Variants in EDC3 observed in about 807,000 individuals in gnomAD.
EDC3 encodes the protein enhancer of mRNA-decapping protein 3.
In EDC3, 20 loss-of-function variants were observed where a neutral mutation model predicts 41.8. That is an observed-to-expected ratio of 0.48 (90% CI 0.34 to 0.70). The LOEUF is 0.70. Among genes scored for constraint, EDC3 ranks in the 30% least tolerant of loss-of-function variants. The pLI is 0.01. For missense variants in EDC3, 444 were observed against 636.8 expected (o/e 0.70, Z 3.26); for synonymous variants, 206 against 243.2 (o/e 0.85, Z 1.42).
chr15:74,641,933 TA>T (rs1191963348), intron 4 of EDC3: 1 of 152,410 alleles, frequency 6.6e-6, no homozygotes, highest in Non-Finnish European at 1.5e-5. Context: ...AGTTAGGGAA[TA>T]AAAGTTAATA....
At chr15:74,674,796 C>G (rs900071798) in intron 2 of EDC3, 165 bp downstream of exon 2, 4 of 760,462 alleles carry the variant, frequency 5.3e-6, no homozygotes, top group Non-Finnish European at 8.5e-6. Flanking sequence ...GGGCAGATTA[C>G]TTGAGGCCAG....
Position 74,631,774 on chromosome 15 carries a change from C to T in EDC3, c.*838G>A. 6.5e-6 allele frequency: 1 copy of T among 152,846 alleles called. No individual in the cohort carries two copies. The allele number at this position is 152,846 out of a possible 1,614,324, so 9.5% of individuals were successfully genotyped here. A position where few individuals can be genotyped will look rare whatever the true frequency, so the allele number is the denominator to read the frequency against. ...CAGCACCAGGCTCCCCCAGGGATAT[C>T]CCCATCTGAGGGGTCTGGCCCCAGA... On this transcript the variant is annotated 3_prime_UTR_variant, in exon 7 of 7. Coordinates refer to ENST00000315127, the MANE Select transcript of EDC3 (RefSeq NM_025083.5).
intron 4 of EDC3, among the ~76,000 whole-genome samples, chr15:74,652,585 T>C (rs1024050686): frequency 2.7e-5 from 4 of 149,630 alleles, no homozygotes; most frequent in African/African-American, 9.9e-5. Flanking sequence ...GGTAAGGTTT[T>C]TGTGTTTTTT....
At chr15:74,682,341 G>A (rs1410303687) in intron 1 of EDC3, among the ~76,000 whole-genome samples, 1 of 151,880 alleles carries the variant, frequency 6.6e-6, no homozygotes, top group African/African-American at 2.4e-5. Flanking sequence ...ACCCAAGGCT[G>A]GGCACGGTGG....
In EDC3 at chr15:74,671,940, A is replaced by G. The variant is rs562070731; in HGVS notation, c.165-166T>C. Among the ~76,000 whole-genome samples the G allele has an allele frequency of 4.6e-5, 7 of 152,180 alleles. No individual in the cohort carries two copies. In the South Asian group the frequency reaches 1.5e-3, roughly 32 times the overall value. ...TAAGGACAGGGGTCAGCCACCAACT[A>G]TCCAACTGACACAATGCTAGCCTTT... is the stretch of plus-strand genomic sequence containing the variant. On this transcript the variant is annotated intron_variant, in intron 2 of 6. Transcript: ENST00000315127. The surrounding 1 kb of genome is among the most constrained non-coding windows in gnomAD (Gnocchi z 4.6).
chr15:74,671,984 G>A lies in EDC3; in HGVS notation c.165-210C>T, dbSNP rs558191698. On this transcript the variant is annotated intron_variant, in intron 2 of 6. Transcript: ENST00000315127. The surrounding 1 kb of genome is among the most constrained non-coding windows in gnomAD (Gnocchi z 4.6). ...AGCCTTTAAAAAGAGGCTATTGGCC[G>A]GGCACGGTGGCTCACGCCTGTAATC... is the stretch of plus-strand genomic sequence containing the variant. Among the ~76,000 whole-genome samples, 336 of 152,090 alleles carry A rather than the reference G, an allele frequency of 2.2e-3. 1 individual carries two copies. Among genetic ancestry groups the A allele is most frequent in the African/African-American group, 7.5e-3 (311 of 41,510 alleles).
intron 4 of EDC3, among the ~76,000 whole-genome samples, chr15:74,649,370 CA>C (rs2062454967): frequency 6.6e-6 from 1 of 152,264 alleles, no homozygotes; most frequent in Non-Finnish European, 1.5e-5. Context: ...CCTCCTGCCT[CA>C]GCCTCCCAAA....
chr15:74,661,745 A>G lies in EDC3; in HGVS notation c.485-5677T>C, dbSNP rs546470335. On this transcript the variant is annotated intron_variant, in intron 3 of 6. Coordinates refer to ENST00000315127, the MANE Select transcript of EDC3 (RefSeq NM_025083.5). ...GACTCTGTCTCAAAAAAAAAAAAAGAAAAAGAAAAAGAAAAAGAAAAAATG... is the reference window on the plus strand; with the variant it reads ...GACTCTGTCTCAAAAAAAAAAAAAGGAAAAGAAAAAGAAAAAGAAAAAATG... Among the ~76,000 whole-genome samples the G allele has an allele frequency of 4.1e-5, 6 of 146,472 alleles. No individual in the cohort carries two copies. In the South Asian group the frequency reaches 6.4e-4, roughly 16 times the overall value.
intron 3 of EDC3, among the ~76,000 whole-genome samples, chr15:74,663,432 C>T (rs1596318334): frequency 6.6e-6 from 1 of 152,170 alleles, no homozygotes; most frequent in East Asian, 1.9e-4. Flanking sequence ...TTCAAAAGCA[C>T]AAGCTGAGCA....
At chr15:74,645,443 T>C (rs544916108) in intron 4 of EDC3, 2 of 152,126 alleles carry the variant, frequency 1.3e-5, no homozygotes, top group South Asian at 2.1e-4. Context: ...CGTATGTATT[T>C]TACATAAAAC....
chr15:74,660,438 T>C (rs2062608669), intron 3 of EDC3, among the ~76,000 whole-genome samples: 1 of 151,192 alleles, frequency 6.6e-6, no homozygotes, highest in South Asian at 2.1e-4. Context: ...TATATATGTG[T>C]GTGTGTGTGT....
chr15:74,640,352 G>T, intron 5 of EDC3, 114 bp downstream of exon 5: 3 of 1,225,894 alleles, frequency 2.4e-6, no homozygotes, highest in Non-Finnish European at 2.3e-6. Flanking sequence ...ACTCCCATCA[G>T]ATGAGCAGAA....
intron 3 of EDC3, among the ~76,000 whole-genome samples, chr15:74,662,819 T>G (rs1212119872): frequency 1.3e-5 from 2 of 151,824 alleles, no homozygotes; most frequent in African/African-American, 4.8e-5. Context: ...AGAATAAAGC[T>G]CAGAGGAAAC....
chr15:74,650,707 T>G (rs2062470535), intron 4 of EDC3, among the ~76,000 whole-genome samples: 1 of 152,228 alleles, frequency 6.6e-6, no homozygotes, highest in South Asian at 2.1e-4. Context: ...TAGAATACCA[T>G]GAGTGTTAGG....
At chr15:74,646,476 G>A (rs1455892982) in intron 4 of EDC3, among the ~76,000 whole-genome samples, 1 of 152,214 alleles carries the variant, frequency 6.6e-6, no homozygotes, top group Non-Finnish European at 1.5e-5. Context: ...CGAGTGCAAA[G>A]TATCAATTTC....
Position 74,630,597 on chromosome 15 carries a change from GT to G in EDC3, c.*2014del, listed in dbSNP as rs2062189832. On this transcript the variant is annotated 3_prime_UTR_variant, in exon 7 of 7. Coordinates refer to ENST00000315127, the MANE Select transcript of EDC3 (RefSeq NM_025083.5). Reference sequence around the variant, plus strand: ...AGCTTTATTTCAGTGCTGGTTTTTGGTTCCCTAAGAGCTGCATGAGTGCTAG... The same window carrying G: ...AGCTTTATTTCAGTGCTGGTTTTTGGTCCCTAAGAGCTGCATGAGTGCTAG... 6.6e-6 allele frequency: 1 copy of G among 152,320 alleles called. No homozygotes were observed. Among genetic ancestry groups the G allele is most frequent in the South Asian group, 2.1e-4 (1 of 4,836 alleles). The allele number at this position is 152,320 out of a possible 1,614,324, so 9.4% of individuals were successfully genotyped here. A position where few individuals can be genotyped will look rare whatever the true frequency, so the allele number is the denominator to read the frequency against.
chr15:74,656,965 A>G (rs1330784503), intron 3 of EDC3, among the ~76,000 whole-genome samples: 2 of 152,222 alleles, frequency 1.3e-5, no homozygotes, highest in Non-Finnish European at 2.9e-5. Context: ...TTACCTACCC[A>G]CCACTGACTG....
chr15:74,656,231 T>C (rs1377608141), intron 3 of EDC3, among the ~76,000 whole-genome samples, 163 bp from the exon 4 acceptor site: 3 of 152,160 alleles, frequency 2.0e-5, no homozygotes, highest in South Asian at 4.1e-4. Context: ...ACAAATCTCA[T>C]GTGCAATAAT....
chr15:74,667,530 AGTG>A (rs1394011642), intron 3 of EDC3, among the ~76,000 whole-genome samples: 2 of 128,926 alleles, frequency 1.6e-5, no homozygotes, highest in African/African-American at 5.8e-5. Context: ...TAGTAGTAGT[AGTG>A]GTAGTAGTAA....
Sources: gnomAD v4.1 joint callset for allele counts (sites outside exome capture counted in the v4.1 genomes callset) on GRCh38, gnomAD v4.1.1 for gene constraint, Gnocchi (gnomAD v3.1) non-coding constraint, MANE v1.5 for transcripts, NCBI Gene and HGNC (gene_info 2026-07-23, HGNC 2026-07-21) for gene names.